The following TTC23 variants were observed in gnomAD, a reference collection of about 807,000 sequenced individuals.
The protein encoded by TTC23 is tetratricopeptide repeat protein 23.
Under a neutral mutation model 55.1 loss-of-function variants are expected in TTC23, and 58 were observed. The ratio of observed to expected loss-of-function variants is 1.05; its 90% CI spans 0.85 to 1.31. TTC23 has a LOEUF of 1.31. Ranked by LOEUF, TTC23 falls within the 50% of genes most tolerant of loss-of-function variation. TTC23 has a pLI of 0.00. For synonymous variants in TTC23, 203 were observed against 199.9 expected (o/e 1.02, Z -0.13); for missense variants, 516 against 534.4 (o/e 0.97, Z 0.34).
At chr15:99,199,852 T>G in intron 9 of TTC23, 67 bp downstream of exon 9, 2 of 1,462,770 alleles carry the variant, frequency 1.4e-6, no homozygotes, top group African/African-American at 1.4e-5. Flanking sequence ...AGAGCTGCTG[T>G]GCCACTTGTG....
chr15:99,203,056 T>C (rs949533419), intron 8 of TTC23, among the ~76,000 whole-genome samples: 3 of 152,178 alleles, frequency 2.0e-5, no homozygotes, highest in Non-Finnish European at 4.4e-5. Flanking sequence ...ATGGGCTCAA[T>C]TGTGATCTGA....
intron 10 of TTC23, among the ~76,000 whole-genome samples, chr15:99,171,617 C>G (rs535791970): frequency 7.6e-6 from 1 of 132,100 alleles, no homozygotes; most frequent in East Asian, 2.4e-4. Flanking sequence ...GGCTGTAGTG[C>G]AGTGGTACAA....
chr15:99,233,018 G>A (rs1172369425), intron 4 of TTC23, among the ~76,000 whole-genome samples: 5 of 152,170 alleles, frequency 3.3e-5, no homozygotes, highest in Non-Finnish European at 5.9e-5. Flanking sequence ...ACTATGTTAA[G>A]TGAAATAGCC....
intron 8 of TTC23, among the ~76,000 whole-genome samples, chr15:99,204,639 T>G (rs1425173137): frequency 7.9e-6 from 1 of 126,730 alleles, no homozygotes; most frequent in Non-Finnish European, 1.6e-5. Context: ...AAGGTTTTTT[T>G]TTTTTTTTTT....
At chr15:99,238,393 T>A (rs981935824) in intron 3 of TTC23, among the ~76,000 whole-genome samples, 1 of 152,014 alleles carries the variant, frequency 6.6e-6, no homozygotes, top group Non-Finnish European at 1.5e-5. Context: ...GGAAAAAAGA[T>A]CAGGTACACA....
At chr15:99,203,201 A>C (rs1394802629) in intron 8 of TTC23, among the ~76,000 whole-genome samples, 4 of 152,202 alleles carry the variant, frequency 2.6e-5, no homozygotes, top group Non-Finnish European at 5.9e-5. Context: ...AAACAGAATA[A>C]TGTATTATAA....
chr15:99,181,081 G>A (rs2074067226), intron 9 of TTC23, among the ~76,000 whole-genome samples: 1 of 152,212 alleles, frequency 6.6e-6, no homozygotes, highest in Admixed American at 6.5e-5. Flanking sequence ...ATTTACAGAA[G>A]GGGAAATTAA....
intron 4 of TTC23, among the ~76,000 whole-genome samples, chr15:99,229,879 A>G (rs1342692120): frequency 6.6e-6 from 1 of 152,250 alleles, no homozygotes; most frequent in African/African-American, 2.4e-5. Context: ...CACTGCTCAG[A>G]TCACCACACA....
chr15:99,150,721 G>C (rs2069606654), intron 12 of TTC23, among the ~76,000 whole-genome samples: 1 of 152,154 alleles, frequency 6.6e-6, no homozygotes, highest in African/African-American at 2.4e-5. Flanking sequence ...CGTTTAACTT[G>C]AGGGCCACAC....
At chr15:99,183,231 G>C (rs2074318655) in intron 9 of TTC23, among the ~76,000 whole-genome samples, 1 of 152,190 alleles carries the variant, frequency 6.6e-6, no homozygotes, top group Non-Finnish European at 1.5e-5. Context: ...TTAGCAAAGA[G>C]ACTGGTGGCT....
chr15:99,222,376 G>A (rs942071440), intron 5 of TTC23, among the ~76,000 whole-genome samples: 1 of 152,078 alleles, frequency 6.6e-6, no homozygotes, highest in African/African-American at 2.4e-5. Flanking sequence ...CAGGGGGCTC[G>A]AGCAATCCTC....
chr15:99,154,484 G>T (rs781954648), intron 12 of TTC23, among the ~76,000 whole-genome samples: 1 of 152,144 alleles, frequency 6.6e-6, no homozygotes, highest in Non-Finnish European at 1.5e-5. Context: ...GTTATGAAAG[G>T]CTGAGTTTGG....
intron 9 of TTC23, among the ~76,000 whole-genome samples, chr15:99,199,591 A>G (rs1035686304): frequency 1.1e-4 from 17 of 151,188 alleles, no homozygotes; most frequent in African/African-American, 4.1e-4. Context: ...AGGTGGCTTC[A>G]GGTGAAGACT....
intron 9 of TTC23, among the ~76,000 whole-genome samples, chr15:99,195,572 G>A (rs572616006): frequency 1.5e-4 from 23 of 152,306 alleles, no homozygotes; most frequent in Admixed American, 1.4e-3. Flanking sequence ...CAGAGTTTAG[G>A]GGGAAGGAGA....
At chr15:99,228,504 T>C (rs973653821) in intron 5 of TTC23, 29 bp downstream of exon 5, 1 of 1,570,278 alleles carries the variant, frequency 6.4e-7, no homozygotes, top group Non-Finnish European at 8.7e-7. Flanking sequence ...ATTCTCAGAG[T>C]AGAAATACAG....
At chr15:99,225,806 T>C (rs2078353679) in intron 5 of TTC23, among the ~76,000 whole-genome samples, 1 of 152,162 alleles carries the variant, frequency 6.6e-6, no homozygotes, top group African/African-American at 2.4e-5. Context: ...CACAAAATAC[T>C]TATTAATTAC....
At chr15:99,170,222 A>G (rs751670067) in intron 10 of TTC23, among the ~76,000 whole-genome samples, 1 of 152,106 alleles carries the variant, frequency 6.6e-6, no homozygotes, top group Non-Finnish European at 1.5e-5. Flanking sequence ...TTGTCTGCAT[A>G]AGGAATACAG....
At chr15:99,239,638 T>C (rs1297718141) in intron 3 of TTC23, among the ~76,000 whole-genome samples, 1 of 152,228 alleles carries the variant, frequency 6.6e-6, no homozygotes, top group Non-Finnish European at 1.5e-5. Flanking sequence ...TGGCTAACTT[T>C]TTTCTAATAA....
intron 3 of TTC23, among the ~76,000 whole-genome samples, chr15:99,240,652 G>A (rs969325407): frequency 6.6e-6 from 1 of 152,164 alleles, no homozygotes; most frequent in African/African-American, 2.4e-5. Context: ...GTTCCCATTT[G>A]TCATTGTTCT....
Sources: allele counts gnomAD v4.1 joint callset (sites outside exome capture counted in the v4.1 genomes callset), GRCh38; gene constraint gnomAD v4.1.1; transcripts MANE v1.5; gene names NCBI Gene and HGNC (gene_info 2026-07-23, HGNC 2026-07-21).